Variants in GALNT13 observed in about 807,000 individuals in gnomAD.
GALNT13 encodes the protein UDP-GalNAc:polypeptide N-acetylgalactosaminyltransferase 13.
GALNT13 carries 28 observed loss-of-function variants against 64.2 expected under a neutral mutation model. The observed-to-expected ratio is 0.44, with a 90% CI of 0.32 to 0.60. GALNT13 has a LOEUF of 0.60. Ranked by LOEUF, GALNT13 falls within the 20% of genes least tolerant of loss-of-function variation. The pLI, the probability that GALNT13 is intolerant of heterozygous loss-of-function variation, is 0.05. For missense variants in GALNT13, 577 were observed against 669.8 expected (o/e 0.86, Z 1.53); for synonymous variants, 214 against 224.6 (o/e 0.95, Z 0.42).
At chr2:153,850,005 C>CAAAAAAAAAA in the GALNT13 span, among the ~76,000 whole-genome samples, 8 of 84,666 alleles carry the variant, frequency 9.4e-5, no homozygotes, top group Non-Finnish European at 1.5e-4. Flanking sequence ...ACTAAAAATA[C>CAAAAAAAAAA]AAAAAAAAAA....
At chr2:153,345,604 A>ATTTCT in the GALNT13 span, among the ~76,000 whole-genome samples, 7,632 of 128,158 alleles carry the variant, frequency 0.06, 645 homozygotes, top group Middle Eastern at 0.096. Context: ...GTGCCCTCCC[A>ATTTCT]TTTCTTTTCT....
rs550142326 is a variant in GALNT13, at chr2:153,944,032, A to C, written c.-104-362A>C. Reference sequence around the variant, plus strand: ...TGTATCCCAGGATGATTTCTATTTCAGAATTATTGGCTAGTCAGAAGTACT... The same window carrying C: ...TGTATCCCAGGATGATTTCTATTTCCGAATTATTGGCTAGTCAGAAGTACT... On this transcript the variant is annotated intron_variant, in intron 2 of 12. Coordinates refer to ENST00000392825, the MANE Select transcript of GALNT13 (RefSeq NM_052917.4). Among the ~76,000 whole-genome samples, 19 of 152,306 alleles carry C rather than the reference A, an allele frequency of 1.2e-4. 1 individual carries two copies. The South Asian group carries it at 3.7e-3, about 30-fold the overall frequency.
intron 9 of GALNT13, among the ~76,000 whole-genome samples, chr2:154,313,090 C>T (rs564198024): frequency 1.1e-4 from 17 of 151,464 alleles, no homozygotes; most frequent in Non-Finnish European, 2.2e-4. Flanking sequence ...AGCATTTCAA[C>T]AATTATTTTG....
chr2:154,207,320 G>GTCT (rs1687518211), intron 4 of GALNT13, among the ~76,000 whole-genome samples: 1 of 152,024 alleles, frequency 6.6e-6, no homozygotes, highest in Non-Finnish European at 1.5e-5. Context: ...TGCCTTTGCT[G>GTCT]TCTCCTTTTG....
At chr2:153,474,322 A>C in the GALNT13 span, among the ~76,000 whole-genome samples, 2 of 152,316 alleles carry the variant, frequency 1.3e-5, no homozygotes, top group Admixed American at 1.3e-4. Context: ...GACCAGAACC[A>C]AAATTTCTAA....
chr2:154,284,454 AGCTGT>A (rs1271020133), intron 8 of GALNT13, among the ~76,000 whole-genome samples: 1 of 151,448 alleles, frequency 6.6e-6, no homozygotes. Flanking sequence ...TCCTTTTTTC[AGCTGT>A]GTAACATGCC....
chr2:153,748,708 T>C, the GALNT13 span, among the ~76,000 whole-genome samples: 1 of 152,150 alleles, frequency 6.6e-6, no homozygotes, highest in African/African-American at 2.4e-5. Flanking sequence ...AAATATTTTC[T>C]CCCATTTTGT....
chr2:154,127,377 C>A (rs986609665), intron 3 of GALNT13, among the ~76,000 whole-genome samples: 6 of 152,030 alleles, frequency 3.9e-5, no homozygotes, highest in African/African-American at 1.2e-4. Context: ...TGAATAAATT[C>A]ACACTAAACA....
chr2:153,624,412 A>G, the GALNT13 span, among the ~76,000 whole-genome samples: 1 of 152,226 alleles, frequency 6.6e-6, no homozygotes, highest in South Asian at 2.1e-4. Context: ...ACTTTTGGAT[A>G]ATGGAATACA....
At chr2:153,306,375 A>G in the GALNT13 span, among the ~76,000 whole-genome samples, 1 of 152,204 alleles carries the variant, frequency 6.6e-6, no homozygotes, top group Non-Finnish European at 1.5e-5. Flanking sequence ...ACAATATTTG[A>G]TAAGCTTATA....
chr2:154,266,993 A>C (rs1691041471), intron 8 of GALNT13, among the ~76,000 whole-genome samples: 1 of 152,108 alleles, frequency 6.6e-6, no homozygotes, highest in African/African-American at 2.4e-5. Context: ...TGTGTTATTA[A>C]CATAAAGACA....
chr2:153,969,719 G>C (rs1329865035), intron 3 of GALNT13, among the ~76,000 whole-genome samples: 1 of 152,220 alleles, frequency 6.6e-6, no homozygotes, highest in East Asian at 1.9e-4. Context: ...GATGATAAAA[G>C]TTTAAAAATC....
At chr2:153,704,691 C>A in the GALNT13 span, among the ~76,000 whole-genome samples, 1 of 152,128 alleles carries the variant, frequency 6.6e-6, no homozygotes, top group Admixed American at 6.6e-5. Flanking sequence ...TACCTCCTTT[C>A]TGAGATATAA....
the GALNT13 span, among the ~76,000 whole-genome samples, chr2:153,174,994 TATTAGATTTG>T: frequency 6.6e-6 from 1 of 152,100 alleles, no homozygotes; most frequent in Non-Finnish European, 1.5e-5. Flanking sequence ...AATCTAGGAT[TATTAGATTTG>T]ATTACTCTGG....
At chr2:153,820,312 G>A in the GALNT13 span, among the ~76,000 whole-genome samples, 9 of 152,008 alleles carry the variant, frequency 5.9e-5, no homozygotes, top group African/African-American at 1.9e-4. Flanking sequence ...AAACATATCT[G>A]AGAGAATAAT....
the GALNT13 span, among the ~76,000 whole-genome samples, chr2:153,406,685 G>T: frequency 6.6e-6 from 1 of 152,234 alleles, no homozygotes. Context: ...TGGGATTACA[G>T]GAATGAGCCA....
At chr2:153,531,939 G>A in the GALNT13 span, among the ~76,000 whole-genome samples, 34 of 152,040 alleles carry the variant, frequency 2.2e-4, no homozygotes, top group Non-Finnish European at 4.4e-5. Context: ...GGCCTTCAGC[G>A]TCTCTGCCCT....
At chr2:153,297,608 G>A in the GALNT13 span, among the ~76,000 whole-genome samples, 2 of 152,144 alleles carry the variant, frequency 1.3e-5, no homozygotes, top group Non-Finnish European at 2.9e-5. Flanking sequence ...GAACATTTAG[G>A]CACTAACTTT....
the GALNT13 span, among the ~76,000 whole-genome samples, chr2:153,745,031 A>G: frequency 1.3e-5 from 2 of 152,152 alleles, no homozygotes; most frequent in South Asian, 2.1e-4. Context: ...GTTCAGAGAA[A>G]CATAGGCTAT....
Sources: gnomAD v4.1 joint callset for allele counts (sites outside exome capture counted in the v4.1 genomes callset) on GRCh38, gnomAD v4.1.1 for gene constraint, MANE v1.5 for transcripts, NCBI Gene and HGNC (gene_info 2026-07-23, HGNC 2026-07-21) for gene names.